C10orf90: variants seen among roughly 807,000 people sequenced by gnomAD.
C10orf90 encodes chromosome 10 open reading frame 90.
C10orf90 carries 56 observed loss-of-function variants against 62.5 expected under a neutral mutation model. That is an observed-to-expected ratio of 0.90 (90% CI 0.72 to 1.12). The LOEUF (loss-of-function observed/expected upper bound fraction) is 1.12, where lower values mean the gene tolerates loss of function less well. Among genes scored for constraint, C10orf90 ranks in the 50% most tolerant of loss-of-function variants. The probability of loss-of-function intolerance (pLI) is 0.00; values close to 1 mark genes in which losing one functional copy is unlikely to be tolerated. For missense variants in C10orf90, 970 were observed against 880.4 expected (o/e 1.10, Z -1.29); for synonymous variants, 386 against 340.4 (o/e 1.13, Z -1.47).
chr10:126,535,647 TA>T (rs995348048), intron 2 of C10orf90, among the ~76,000 whole-genome samples: 7 of 151,836 alleles, frequency 4.6e-5, no homozygotes, highest in Admixed American at 6.6e-5. Flanking sequence ...GTATAATAAT[TA>T]AAAAAAAATT....
chr10:126,431,893 C>T (rs1857594079), intron 7 of C10orf90, among the ~76,000 whole-genome samples: 1 of 152,122 alleles, frequency 6.6e-6, no homozygotes, highest in African/African-American at 2.4e-5. Flanking sequence ...CTCTCTGACA[C>T]CTCCACTCTT....
intron 2 of C10orf90, among the ~76,000 whole-genome samples, chr10:126,534,012 G>A (rs1436804): frequency 0.58 from 87,824 of 151,966 alleles, 27,228 homozygotes; most frequent in Middle Eastern, 0.69. Context: ...CTCCAAAATT[G>A]CTGTACACAT....
At chr10:126,499,173 G>A (rs753433158) in intron 4 of C10orf90, among the ~76,000 whole-genome samples, 16 of 152,190 alleles carry the variant, frequency 1.1e-4, no homozygotes, top group Non-Finnish European at 1.3e-4. Flanking sequence ...CACTACAACA[G>A]CAAGTTGTCT....
rs964909667 is a variant in C10orf90, at chr10:126,456,331, G to A, written c.2188+2709C>T. Among the ~76,000 whole-genome samples the A allele has an allele frequency of 2.6e-5, 4 of 152,114 alleles. No individual in the cohort carries two copies. Among genetic ancestry groups the A allele is most frequent in the Non-Finnish European group, 5.9e-5 (4 of 68,024 alleles). On this transcript the variant is annotated intron_variant, in intron 7 of 9. Coordinates refer to ENST00000488181, the MANE Select transcript of C10orf90 (RefSeq NM_001350921.2). The surrounding 1 kb of genome is among the most constrained non-coding windows in gnomAD (Gnocchi z 4.9). Reference sequence around the variant, plus strand: ...AAGCTCTCATCGACACATAAATACGGCAGGGATGGTCAGGGTGGCCATAAA... The same window carrying A: ...AAGCTCTCATCGACACATAAATACGACAGGGATGGTCAGGGTGGCCATAAA...
chr10:126,645,243 C>T (rs1376366129), intron 2 of C10orf90, among the ~76,000 whole-genome samples: 1 of 142,312 alleles, frequency 7.0e-6, no homozygotes, highest in Non-Finnish European at 1.5e-5. Flanking sequence ...CACATGTACC[C>T]TAAAACTTAA....
At chr10:126,665,132 G>A (rs1209560273) in intron 1 of C10orf90, among the ~76,000 whole-genome samples, 1 of 152,164 alleles carries the variant, frequency 6.6e-6, no homozygotes, top group African/African-American at 2.4e-5. Context: ...GCTCATGGAA[G>A]TCTTTATTGC....
At chr10:126,492,513 T>G (rs1861819513) in intron 4 of C10orf90, among the ~76,000 whole-genome samples, 5 of 152,170 alleles carry the variant, frequency 3.3e-5, no homozygotes, top group Admixed American at 3.3e-4. Context: ...TATTTCAAAA[T>G]TCAAAGTTTT....
At chr10:126,445,407 G>A (rs1043147531) in intron 7 of C10orf90, among the ~76,000 whole-genome samples, 35 of 151,932 alleles carry the variant, frequency 2.3e-4, no homozygotes, top group Non-Finnish European at 5.0e-4. Context: ...ACAAACATAT[G>A]AAAAAATGCT....
At chr10:126,569,077 C>T (rs1405849143) in intron 2 of C10orf90, among the ~76,000 whole-genome samples, 1 of 152,012 alleles carries the variant, frequency 6.6e-6, no homozygotes, top group African/African-American at 2.4e-5. Flanking sequence ...GGAGGGTATG[C>T]AAGTCAGGCT....
At chr10:126,532,603 C>T (rs1347068774) in intron 2 of C10orf90, among the ~76,000 whole-genome samples, 1 of 151,476 alleles carries the variant, frequency 6.6e-6, no homozygotes, top group African/African-American at 2.4e-5. Flanking sequence ...TTTGGGAGGC[C>T]GAGGAGGGCA....
chr10:126,453,377 C>G lies in C10orf90; in HGVS notation c.2188+5663G>C, dbSNP rs1158700153. Among the ~76,000 whole-genome samples the G allele has an allele frequency of 6.6e-6, 1 of 152,082 alleles. No homozygotes were observed. The highest frequency in any genetic ancestry group is 1.5e-5 in the Non-Finnish European group (1 of 68,034). ...TGAAGAAGGGAAGAAGGCAGGTGAT[C>G]TGGAGGGATGCAAGAATACCAAGAT... On this transcript the variant is annotated intron_variant, in intron 7 of 9. Coordinates refer to ENST00000488181, the MANE Select transcript of C10orf90 (RefSeq NM_001350921.2). The surrounding 1 kb of genome is among the most constrained non-coding windows in gnomAD (Gnocchi z 4.9).
chr10:126,545,653 A>G (rs1864473896), intron 2 of C10orf90, among the ~76,000 whole-genome samples: 1 of 152,156 alleles, frequency 6.6e-6, no homozygotes, highest in African/African-American at 2.4e-5. Flanking sequence ...TCCTGAAAGC[A>G]AATATGAGAA....
intron 7 of C10orf90, among the ~76,000 whole-genome samples, chr10:126,444,272 C>G (rs1367472200): frequency 6.6e-6 from 1 of 151,842 alleles, no homozygotes. Flanking sequence ...CCTCAAAAAC[C>G]CTAAAGATCC....
chr10:126,497,230 T>C lies in C10orf90; in HGVS notation c.1534+6727A>G, dbSNP rs540271534. On this transcript the variant is annotated intron_variant, in intron 4 of 9. Coordinates refer to ENST00000488181, the MANE Select transcript of C10orf90 (RefSeq NM_001350921.2). Reference sequence around the variant, plus strand: ...GTGGCAGGCAAGCTGGAGGCCAAGGTTGAATTGCAGTGGGCACCTGCTCTT... The same window carrying C: ...GTGGCAGGCAAGCTGGAGGCCAAGGCTGAATTGCAGTGGGCACCTGCTCTT... Among the ~76,000 whole-genome samples the C allele has an allele frequency of 3.3e-5, 5 of 152,134 alleles. No homozygotes were observed. The South Asian group carries it at 6.2e-4, about 19-fold the overall frequency.
rs561257339 is a variant in C10orf90 at position 126,456,769 on chromosome 10, A to C, written c.2188+2271T>G. On this transcript the variant is annotated intron_variant, in intron 7 of 9. Coordinates refer to ENST00000488181, the MANE Select transcript of C10orf90 (RefSeq NM_001350921.2). This position sits in a 1 kb window ranked among gnomAD's most constrained non-coding sequence, Gnocchi z 4.9. ...AGACACAGACGCAGGGAGGATGGCCATGTGGAGACAGAGGCAGAGACTGTA... is the reference window on the plus strand; with the variant it reads ...AGACACAGACGCAGGGAGGATGGCCCTGTGGAGACAGAGGCAGAGACTGTA... Among the ~76,000 whole-genome samples the C allele has an allele frequency of 1.2e-4, 18 of 152,266 alleles. No individual in the cohort carries two copies. The highest frequency in any genetic ancestry group is 4.1e-4 in the African/African-American group (17 of 41,564).
intron 4 of C10orf90, among the ~76,000 whole-genome samples, chr10:126,490,083 A>T (rs1240503617): frequency 8.9e-6 from 1 of 112,620 alleles, no homozygotes; most frequent in Non-Finnish European, 1.8e-5. Flanking sequence ...ATAATATAAT[A>T]ATAATATATA....
intron 2 of C10orf90, among the ~76,000 whole-genome samples, chr10:126,635,351 G>T (rs1845928748): frequency 6.6e-6 from 1 of 152,090 alleles, no homozygotes; most frequent in Non-Finnish European, 1.5e-5. Context: ...TCCATTCAAG[G>T]CATGGGGGGT....
intron 2 of C10orf90, among the ~76,000 whole-genome samples, chr10:126,560,076 T>A (rs1399954190): frequency 6.6e-6 from 1 of 152,230 alleles, no homozygotes; most frequent in Non-Finnish European, 1.5e-5. Context: ...ATTTTCAGTT[T>A]ATAATATCTG....
intron 1 of C10orf90, among the ~76,000 whole-genome samples, chr10:126,667,289 A>G (rs2133880055): frequency 6.6e-6 from 1 of 151,762 alleles, no homozygotes; most frequent in South Asian, 2.1e-4. Flanking sequence ...TGATCTCCTG[A>G]CCTCGTGATC....
Sources: gnomAD v4.1 joint callset for allele counts (sites outside exome capture counted in the v4.1 genomes callset) on GRCh38, gnomAD v4.1.1 for gene constraint, Gnocchi (gnomAD v3.1) non-coding constraint, MANE v1.5 for transcripts, NCBI Gene and HGNC (gene_info 2026-07-23, HGNC 2026-07-21) for gene names.